Variants in SHISAL1 observed in about 807,000 individuals in gnomAD.
SHISAL1 encodes the protein shisa like 1.
A neutral mutation model predicts 22.6 loss-of-function variants in SHISAL1; 9 were observed. That is an observed-to-expected ratio of 0.40 (90% CI 0.24 to 0.70). The LOEUF (loss-of-function observed/expected upper bound fraction) is 0.70, where lower values mean the gene tolerates loss of function less well. Ranked by LOEUF, SHISAL1 falls within the 30% of genes least tolerant of loss-of-function variation. The pLI, the probability that SHISAL1 is intolerant of heterozygous loss-of-function variation, is 0.39. For missense variants in SHISAL1, 246 were observed against 270.6 expected (o/e 0.91, Z 0.64); for synonymous variants, 119 against 115.4 (o/e 1.03, Z -0.20).
intron 4 of SHISAL1, among the ~76,000 whole-genome samples, chr22:44,263,877 C>T (rs1312446959): frequency 1.3e-5 from 2 of 152,178 alleles, no homozygotes; most frequent in African/African-American, 2.4e-5. Context: ...AGACTAAATC[C>T]GTGTTGCTTT....
At chr22:44,312,699 G>A (rs1306563412) in intron 1 of SHISAL1, 52 bp downstream of exon 1, 1 of 152,326 alleles carries the variant, frequency 6.6e-6, no homozygotes, top group Non-Finnish European at 1.5e-5. Context: ...TGAAGGAACA[G>A]AGGTGCCCCT....
At chr22:44,275,489 G>T (rs987254465) in intron 4 of SHISAL1, among the ~76,000 whole-genome samples, 2 of 152,208 alleles carry the variant, frequency 1.3e-5, no homozygotes, top group African/African-American at 4.8e-5. Context: ...AGGTGCTTTG[G>T]GGGACCCCTG....
chr22:44,252,467 T>C (rs781468060), intron 4 of SHISAL1, among the ~76,000 whole-genome samples: 1 of 151,782 alleles, frequency 6.6e-6, no homozygotes, highest in Non-Finnish European at 1.5e-5. Flanking sequence ...CTAGAAGACA[T>C]ACACACAGAA....
intron 4 of SHISAL1, among the ~76,000 whole-genome samples, chr22:44,272,066 G>T (rs894278934): frequency 5.3e-5 from 8 of 152,138 alleles, no homozygotes; most frequent in Admixed American, 4.6e-4. Context: ...CCCGGGGCAG[G>T]ATTATAGGAG....
chr22:44,261,077 T>TTATATATATATATATATA (rs56290835), intron 4 of SHISAL1, among the ~76,000 whole-genome samples: 1,862 of 108,090 alleles, frequency 0.017, 63 homozygotes, highest in African/African-American at 0.028. Flanking sequence ...CTTCATTACT[T>TTATATATATATATATATA]TATATATATA....
intron 4 of SHISAL1, among the ~76,000 whole-genome samples, chr22:44,253,643 T>C (rs907249626): frequency 7.9e-5 from 12 of 151,206 alleles, no homozygotes; most frequent in African/African-American, 2.9e-4. Context: ...GATTTCACCA[T>C]GTTGGCCAGT....
intron 4 of SHISAL1, among the ~76,000 whole-genome samples, chr22:44,263,368 G>GC (rs1453933709): frequency 3.3e-5 from 5 of 152,132 alleles, no homozygotes; most frequent in Admixed American, 6.5e-5. Flanking sequence ...ACTGCACCCG[G>GC]CCGCCTTCAC....
chr22:44,269,451 CCA>C (rs1038540558), intron 4 of SHISAL1, among the ~76,000 whole-genome samples: 13 of 137,034 alleles, frequency 9.5e-5, no homozygotes, highest in East Asian at 2.1e-4. Context: ...ACACACCATG[CCA>C]CACAGACGCC....
At chr22:44,251,454 T>A (rs545165041) in intron 4 of SHISAL1, among the ~76,000 whole-genome samples, 2 of 152,294 alleles carry the variant, frequency 1.3e-5, no homozygotes, top group South Asian at 4.1e-4. Flanking sequence ...GGGCAGATGA[T>A]TTTTTAAAAG....
intron 4 of SHISAL1, among the ~76,000 whole-genome samples, chr22:44,280,929 C>T (rs1233295711): frequency 2.0e-5 from 3 of 152,142 alleles, no homozygotes; most frequent in Non-Finnish European, 4.4e-5. Flanking sequence ...TAATGACCAT[C>T]ACAACCATGA....
In SHISAL1 at chr22:44,280,710, A is replaced by T. The variant is rs150477639; in HGVS notation, c.599+4718T>A. ...AGGGAGGGAGGTGGGGACAATGGGG[A>T]GTGGAGCTGGGTGTCCCAGGAGGAT... is the stretch of plus-strand genomic sequence containing the variant. On this transcript the variant is annotated intron_variant, in intron 4 of 4. Coordinates refer to ENST00000381176, the MANE Select transcript of SHISAL1 (RefSeq NM_001099294.2). Among the ~76,000 whole-genome samples, 164 of 147,856 alleles carry T rather than the reference A, an allele frequency of 1.1e-3. 1 individual carries two copies. In the Middle Eastern group the frequency reaches 0.024, roughly 22 times the overall value.
At chr22:44,316,787 C>T (rs1321796240), upstream of SHISAL1, among the ~76,000 whole-genome samples, 2 of 152,188 alleles carry the variant, frequency 1.3e-5, no homozygotes, top group African/African-American at 4.8e-5. Flanking sequence ...CTGAGAAGAC[C>T]TGGGCTGGAG....
intron 4 of SHISAL1, among the ~76,000 whole-genome samples, chr22:44,261,099 A>ATATAT (rs2055120697): frequency 7.7e-6 from 1 of 129,570 alleles, no homozygotes; most frequent in African/African-American, 3.6e-5. Flanking sequence ...ATATATATAT[A>ATATAT]CACTATATGG....
At chr22:44,289,200 T>C (rs754501896) in intron 3 of SHISAL1, among the ~76,000 whole-genome samples, 2 of 152,154 alleles carry the variant, frequency 1.3e-5, no homozygotes, top group Non-Finnish European at 2.9e-5. Flanking sequence ...CATGAGGAAA[T>C]GAGACCCAGA....
At chr22:44,298,772 G>A (rs1450899948) in intron 2 of SHISAL1, among the ~76,000 whole-genome samples, 3 of 152,220 alleles carry the variant, frequency 2.0e-5, no homozygotes, top group East Asian at 3.8e-4. Flanking sequence ...ATGGGGGGCC[G>A]GGGAGGGCAG....
intron 4 of SHISAL1, among the ~76,000 whole-genome samples, chr22:44,262,116 C>T (rs1335901418): frequency 2.0e-5 from 3 of 152,208 alleles, no homozygotes. Context: ...GAGTGTCTGG[C>T]AGTCTTGGGG....
chr22:44,326,859 C>T, the SHISAL1 span, among the ~76,000 whole-genome samples: 1 of 152,076 alleles, frequency 6.6e-6, no homozygotes, highest in African/African-American at 2.4e-5. Context: ...AAGCCCTTTC[C>T]TAAAAGGAGT....
intron 4 of SHISAL1, among the ~76,000 whole-genome samples, chr22:44,250,871 G>T (rs1448285779): frequency 2.6e-5 from 4 of 152,216 alleles, no homozygotes; most frequent in Non-Finnish European, 5.9e-5. Context: ...ACTAAATGGA[G>T]AAGTCAAGGG....
At chr22:44,254,258 TAAGA>T (rs981818611) in intron 4 of SHISAL1, among the ~76,000 whole-genome samples, 1 of 151,466 alleles carries the variant, frequency 6.6e-6, no homozygotes, top group Non-Finnish European at 1.5e-5. Context: ...AAAATAAACC[TAAGA>T]AAGACATACA....
Sources: gnomAD v4.1 joint callset for allele counts (sites outside exome capture counted in the v4.1 genomes callset) on GRCh38, gnomAD v4.1.1 for gene constraint, MANE v1.5 for transcripts, NCBI Gene and HGNC (gene_info 2026-07-23, HGNC 2026-07-21) for gene names.